Variants in DEPDC5 observed in about 807,000 individuals in gnomAD.
DEPDC5 encodes DEP domain containing 5, GATOR1 subcomplex subunit, also known as GATOR1 complex protein DEPDC5.
In DEPDC5, 73 loss-of-function variants were observed where a neutral mutation model predicts 217.3. The observed-to-expected ratio is 0.34, with a 90% CI of 0.28 to 0.41. The LOEUF is 0.41. DEPDC5 is among the 10% of genes least tolerant of loss of function. DEPDC5 has a pLI of 1.00. For missense variants in DEPDC5, 1,675 were observed against 2,070.1 expected (o/e 0.81, Z 3.70); for synonymous variants, 733 against 756.7 (o/e 0.97, Z 0.51).
Position 31,834,501 on chromosome 22 carries a change from G to A in DEPDC5, c.2170+521G>A, listed in dbSNP as rs549715863. Among the ~76,000 whole-genome samples, 36 of 150,528 alleles carry A rather than the reference G, an allele frequency of 2.4e-4. No homozygotes were observed. In the South Asian group the frequency reaches 6.7e-3, roughly 28 times the overall value. On this transcript the variant is annotated intron_variant, in intron 25 of 42. Transcript: ENST00000651528. Reference sequence around the variant, plus strand: ...CTGTGACCAATGGATGTATATCACTGAGTCTTTTTGTCCCCACTTTTTTTT... The same window carrying A: ...CTGTGACCAATGGATGTATATCACTAAGTCTTTTTGTCCCCACTTTTTTTT...
At chr22:31,784,117 A>G (rs754372974) in intron 9 of DEPDC5, 132 bp downstream of exon 9, 1 of 727,418 alleles carries the variant, frequency 1.4e-6, no homozygotes, top group Non-Finnish European at 2.2e-6. Context: ...GAGAATAATC[A>G]TATTTGGAGG....
chr22:31,788,264 A>ATTTTTTTTTTT (rs75378797), intron 10 of DEPDC5, among the ~76,000 whole-genome samples: 1 of 90,702 alleles, frequency 1.1e-5, no homozygotes, highest in African/African-American at 5.0e-5. Flanking sequence ...GGATGACTGT[A>ATTTTTTTTTTT]TTTTTTTTTT....
intron 38 of DEPDC5, among the ~76,000 whole-genome samples, chr22:31,883,445 T>G (rs1182340309): frequency 6.6e-6 from 1 of 152,222 alleles, no homozygotes; most frequent in East Asian, 1.9e-4. Flanking sequence ...GCTCCTCTTG[T>G]GCTTTCTTTC....
chr22:31,871,231 A>G (rs751647291), intron 34 of DEPDC5, among the ~76,000 whole-genome samples: 1 of 152,324 alleles, frequency 6.6e-6, no homozygotes, highest in South Asian at 2.1e-4. Context: ...ACTGTTGTCA[A>G]TTCTGAGAAA....
chr22:31,787,555 C>T (rs960234124), intron 10 of DEPDC5, among the ~76,000 whole-genome samples: 2 of 151,980 alleles, frequency 1.3e-5, no homozygotes, highest in Admixed American at 1.3e-4. Flanking sequence ...ACCTTTAATC[C>T]CAGCACTTTG....
intron 7 of DEPDC5, chr22:31,769,299 C>G (rs1601676008): frequency 6.9e-6 from 1 of 145,788 alleles, no homozygotes; most frequent in Non-Finnish European, 1.5e-5. Flanking sequence ...GTAGCTCAAA[C>G]AAACCACAAA....
chr22:31,796,071 C>T (rs1255664702), intron 12 of DEPDC5, among the ~76,000 whole-genome samples: 2 of 150,682 alleles, frequency 1.3e-5, no homozygotes, highest in African/African-American at 4.9e-5. Flanking sequence ...AAATGCCAAT[C>T]CATGTTAAAC....
chr22:31,863,017 A>C (rs2092568895), intron 33 of DEPDC5, among the ~76,000 whole-genome samples: 1 of 152,022 alleles, frequency 6.6e-6, no homozygotes, highest in South Asian at 2.1e-4. Context: ...ATACACAGCT[A>C]ATTTTTTATT....
At chr22:31,851,594 CCATGCCTGGCACATAGTAGGTGTGT>C (rs2092029725) in intron 31 of DEPDC5, among the ~76,000 whole-genome samples, 1 of 152,152 alleles carries the variant, frequency 6.6e-6, no homozygotes, top group East Asian at 1.9e-4. Flanking sequence ...AGGCTGTGTG[CCATGCCTGGCACATAGTAGGTGTGT>C]AATGGATATT....
chr22:31,900,395 A>G (rs117209993), intron 40 of DEPDC5, among the ~76,000 whole-genome samples: 1,858 of 152,174 alleles, frequency 0.012, 19 homozygotes, highest in East Asian at 0.053. Flanking sequence ...TACCTCTAGA[A>G]TGGAGCTTAT....
intron 21 of DEPDC5, chr22:31,815,512 G>A: frequency 1.5e-6 from 1 of 645,442 alleles, no homozygotes; most frequent in South Asian, 1.8e-5. Context: ...TGCCTCCCAA[G>A]TAACTGGGAC....
chr22:31,800,489 C>T (rs1466151755), intron 14 of DEPDC5, among the ~76,000 whole-genome samples: 1 of 152,008 alleles, frequency 6.6e-6, no homozygotes, highest in Non-Finnish European at 1.5e-5. Context: ...TTCTGTTGGC[C>T]AGTTAATTTG....
intron 20 of DEPDC5, among the ~76,000 whole-genome samples, chr22:31,811,793 G>T (rs774585796): frequency 6.6e-6 from 1 of 151,196 alleles, no homozygotes; most frequent in Non-Finnish European, 1.5e-5. Context: ...CCATCCTCCC[G>T]CCTTAGTCTC....
At chr22:31,904,611 C>T (rs891185300) in intron 41 of DEPDC5, among the ~76,000 whole-genome samples, 7 of 152,124 alleles carry the variant, frequency 4.6e-5, no homozygotes, top group Admixed American at 1.3e-4. Context: ...GTCATGGTGG[C>T]GCGTGCCTGT....
intron 14 of DEPDC5, among the ~76,000 whole-genome samples, chr22:31,799,798 C>CAT (rs1237771354): frequency 1.6e-4 from 19 of 119,228 alleles, no homozygotes; most frequent in Admixed American, 2.5e-4. Flanking sequence ...CCATGCCCGG[C>CAT]CTTTTTTTTT....
intron 41 of DEPDC5, among the ~76,000 whole-genome samples, chr22:31,904,158 AC>A (rs2093714997): frequency 6.7e-6 from 1 of 149,638 alleles, no homozygotes; most frequent in East Asian, 1.9e-4. Flanking sequence ...CTAGGCTGTG[AC>A]CTACCGCTCC....
rs57618137 is a variant in DEPDC5 at position 31,812,420 on chromosome 22, C to CTTT, written c.1445+1799_1445+1801dup. Among the ~76,000 whole-genome samples, 97 of 98,274 alleles carry CTTT rather than the reference C, an allele frequency of 9.9e-4. 1 individual carries two copies. The highest frequency in any genetic ancestry group is 1.1e-3 in the Non-Finnish European group (58 of 51,730). 64.5% of individuals were successfully genotyped at this position (98,274 alleles called of 152,430 possible). A position where few individuals can be genotyped will look rare whatever the true frequency, so the allele number is the denominator to read the frequency against. ...TACTGTGAATCAATTTTCCATATTTCTTTTTTTTTTTTTTTTTTTTTTGAG... is the reference window on the plus strand; with the variant it reads ...TACTGTGAATCAATTTTCCATATTTCTTTTTTTTTTTTTTTTTTTTTTTTTGAG... On this transcript the variant is annotated intron_variant, in intron 20 of 42. Coordinates refer to ENST00000651528, the MANE Select transcript of DEPDC5 (RefSeq NM_001242896.3).
rs780892747 is a variant in DEPDC5, at chr22:31,883,321, G to A, written c.4033+3569G>A. Among the ~76,000 whole-genome samples, 7 of 152,302 alleles carry A rather than the reference G, an allele frequency of 4.6e-5. No homozygotes were observed. The East Asian group carries it at 7.7e-4, about 17-fold the overall frequency. On this transcript the variant is annotated intron_variant, in intron 38 of 42. Coordinates refer to ENST00000651528, the MANE Select transcript of DEPDC5 (RefSeq NM_001242896.3). ...CCCTAAGCAGGTGTCAAGTTGATGC[G>A]TGATAAGGGCGTGCTTTCAGAACTT... is the stretch of plus-strand genomic sequence containing the variant.
In DEPDC5 at chr22:31,846,869, G is replaced by A. The variant is rs1060504242; in HGVS notation, c.3057G>A (p.Gly1019=). 1.9e-6 allele frequency: 3 copies of A among 1,614,202 alleles called. No homozygotes were observed. The highest frequency in any genetic ancestry group is 3.3e-5 in the Admixed American group (2 of 60,022). Residue 1019 remains glycine, a synonymous_variant, in exon 31 of 43, where the codon GGG becomes GGA. Transcript: ENST00000651528. ...CCATGAAAGGCTTGCAGATGACTGG[G>A]CCCATTTCCACGCATTCTCTGGAGT... is the stretch of plus-strand genomic sequence containing the variant. ...GTAMKGLQMT[G]PISTHSLEST...
Sources: allele counts gnomAD v4.1 joint callset (sites outside exome capture counted in the v4.1 genomes callset), GRCh38; gene constraint gnomAD v4.1.1; transcripts MANE v1.5; gene names NCBI Gene and HGNC (gene_info 2026-07-23, HGNC 2026-07-21).